The following AP4E1 variants were observed in gnomAD, a reference collection of about 807,000 sequenced individuals.
AP4E1 encodes the protein adaptor related protein complex 4 subunit epsilon 1.
AP4E1 carries 56 observed loss-of-function variants against 128.2 expected under a neutral mutation model. That is an observed-to-expected ratio of 0.44 (90% CI 0.35 to 0.55). The LOEUF (loss-of-function observed/expected upper bound fraction) is 0.55. Ranked by LOEUF, AP4E1 falls within the 20% of genes least tolerant of loss-of-function variation. The pLI, the probability that AP4E1 is intolerant of heterozygous loss-of-function variation, is 0.00. For synonymous variants in AP4E1, 484 were observed against 473.1 expected (o/e 1.02, Z -0.30); for missense variants, 1,324 against 1,307.7 (o/e 1.01, Z -0.19).
intron 15 of AP4E1, among the ~76,000 whole-genome samples, chr15:50,981,955 C>T (rs2064647923): frequency 6.6e-6 from 1 of 151,870 alleles, no homozygotes; most frequent in Admixed American, 6.6e-5. Flanking sequence ...CATGCTGGCA[C>T]ATGCCTGTAA....
At chr15:50,968,099 C>T (rs2064419368) in intron 14 of AP4E1, among the ~76,000 whole-genome samples, 164 bp from the exon 15 acceptor site, 1 of 152,206 alleles carries the variant, frequency 6.6e-6, no homozygotes, top group Non-Finnish European at 1.5e-5. Flanking sequence ...GGATTACAGT[C>T]ATGAGCCACC....
At chr15:50,956,690 C>G (rs1168207996) in intron 13 of AP4E1, among the ~76,000 whole-genome samples, 1 of 152,104 alleles carries the variant, frequency 6.6e-6, no homozygotes, top group African/African-American at 2.4e-5. Context: ...GGAAACTGCC[C>G]CCATGATTCA....
intron 5 of AP4E1, among the ~76,000 whole-genome samples, chr15:50,927,515 A>T: frequency 1.1e-5 from 1 of 92,664 alleles, no homozygotes. Context: ...GCCTATTCAG[A>T]GTTTTTTTTT....
intron 7 of AP4E1, among the ~76,000 whole-genome samples, chr15:50,932,447 T>A (rs1265166245): frequency 6.6e-6 from 1 of 152,232 alleles, no homozygotes; most frequent in Non-Finnish European, 1.5e-5. Context: ...ACCTACATAT[T>A]ATTTTTATTT....
chr15:51,000,772 A>T (rs530536580), intron 19 of AP4E1, among the ~76,000 whole-genome samples: 81 of 152,328 alleles, frequency 5.3e-4, no homozygotes, highest in Non-Finnish European at 1.1e-3. Context: ...TACTGGAATG[A>T]CTAGTAGAAA....
chr15:50,915,697 T>C, intron 3 of AP4E1, 126 bp downstream of exon 3: 1 of 1,183,656 alleles, frequency 8.4e-7, no homozygotes. Flanking sequence ...TCTAAAACTT[T>C]AAAAGATCAC....
intron 13 of AP4E1, among the ~76,000 whole-genome samples, chr15:50,957,678 T>TTTC (rs1412124418): frequency 7.1e-6 from 1 of 141,498 alleles, no homozygotes; most frequent in Non-Finnish European, 1.5e-5. Context: ...TTTCTTTTTT[T>TTTC]TTTTTTTTTT....
intron 3 of AP4E1, chr15:50,915,785 AG>A (rs2063623381): frequency 5.2e-6 from 3 of 581,646 alleles, no homozygotes; most frequent in South Asian, 4.2e-5. Flanking sequence ...AGAAGACTAA[AG>A]ATTTCTTGCT....
chr15:50,925,510 T>C (rs1321820390), intron 5 of AP4E1, among the ~76,000 whole-genome samples: 2 of 152,158 alleles, frequency 1.3e-5, no homozygotes, highest in Non-Finnish European at 2.9e-5. Context: ...CTTGGCTATA[T>C]GGGGTTGGTT....
chr15:50,929,052 C>G lies in AP4E1; in HGVS notation c.586C>G (p.His196Asp). Reference protein sequence around the residue: ...RKAVLALYKFHLIAPNQVQHI... With the variant: ...RKAVLALYKFDLIAPNQVQHI... The stretch of plus-strand genomic sequence containing the variant: ...AGCTGTTCTGGCATTATACAAATTC[C>G]ATCTCATTGCTCCTAATCAAGTACA... Residue 196 changes from histidine (H) to aspartate (D), a missense_variant, in exon 6 of 21, where the codon CAT (histidine) becomes GAT (aspartate). Transcript: ENST00000261842. The G allele has an allele frequency of 1.2e-6, 2 of 1,613,774 alleles. No individual in the cohort carries two copies. The highest frequency in any genetic ancestry group is 1.7e-6 in the Non-Finnish European group (2 of 1,179,862).
intron 2 of AP4E1, among the ~76,000 whole-genome samples, chr15:50,914,671 A>T (rs910523063): frequency 1.4e-5 from 2 of 139,710 alleles, no homozygotes; most frequent in African/African-American, 2.7e-5. Context: ...AAAAAAAAAA[A>T]GTCTGTGAGC....
At chr15:50,945,740 T>G in intron 10 of AP4E1, 1 of 776,552 alleles carries the variant, frequency 1.3e-6, no homozygotes, top group Non-Finnish European at 2.4e-6. Context: ...TCTGAAAAAT[T>G]TGGTGTGCTT....
intron 19 of AP4E1, among the ~76,000 whole-genome samples, chr15:51,000,705 T>C (rs2064950357): frequency 6.6e-6 from 1 of 152,198 alleles, no homozygotes; most frequent in Non-Finnish European, 1.5e-5. Context: ...AAAGTAAATA[T>C]GAAAGAAAAG....
rs556849879 is a variant in AP4E1 at position 51,001,193 on chromosome 15, G to A, written c.3253+10G>A. 1.2e-6 allele frequency: 2 copies of A among 1,611,260 alleles called. No homozygotes were observed. The highest frequency in any genetic ancestry group is 1.7e-6 in the Non-Finnish European group (2 of 1,178,240). On this transcript the variant is annotated intron_variant, in intron 20 of 20. Coordinates refer to ENST00000261842, the MANE Select transcript of AP4E1 (RefSeq NM_007347.5). ...ATTATTGAGATTATAGGTTTGTAGA[G>A]TTATAAAAAGGCTATTCTGTGTTTA... is the stretch of plus-strand genomic sequence containing the variant.
intron 8 of AP4E1, among the ~76,000 whole-genome samples, chr15:50,935,354 AT>A (rs1428886390): frequency 2.0e-5 from 3 of 148,140 alleles, no homozygotes; most frequent in African/African-American, 8.0e-5. Flanking sequence ...ATAGTATACT[AT>A]TTTGTGAAGA....
chr15:50,947,753 T>C (rs914609783), intron 10 of AP4E1, among the ~76,000 whole-genome samples: 1 of 152,220 alleles, frequency 6.6e-6, no homozygotes, highest in African/African-American at 2.4e-5. Context: ...AGTCTCTAAG[T>C]GTTCTGTCAT....
chr15:50,984,923 A>G (rs1158919713), intron 16 of AP4E1, among the ~76,000 whole-genome samples: 3 of 152,114 alleles, frequency 2.0e-5, no homozygotes, highest in East Asian at 1.9e-4. Flanking sequence ...CAGTCCCACC[A>G]ACAGTGTAAA....
intron 15 of AP4E1, among the ~76,000 whole-genome samples, chr15:50,968,776 T>C (rs532772543): frequency 6.6e-6 from 1 of 152,200 alleles, no homozygotes; most frequent in African/African-American, 2.4e-5. Context: ...TACAGGTGGG[T>C]GCCACCACAC....
chr15:50,917,373 C>T (rs553563468), intron 3 of AP4E1, among the ~76,000 whole-genome samples: 2 of 152,282 alleles, frequency 1.3e-5, no homozygotes, highest in East Asian at 3.9e-4. Context: ...ATCTTTTCAT[C>T]GCATTTCTTT....
Sources: gnomAD v4.1 joint callset for allele counts (sites outside exome capture counted in the v4.1 genomes callset) on GRCh38, gnomAD v4.1.1 for gene constraint, MANE v1.5 for transcripts, NCBI Gene and HGNC (gene_info 2026-07-23, HGNC 2026-07-21) for gene names.